Variants in ANKRD2 observed in about 807,000 individuals in gnomAD.
ANKRD2 encodes ankyrin repeat domain-containing protein 2.
A neutral mutation model predicts 37.3 loss-of-function variants in ANKRD2; 35 were observed. The ratio of observed to expected loss-of-function variants is 0.94; its 90% CI spans 0.72 to 1.24. The LOEUF is 1.24. Ranked by LOEUF, ANKRD2 falls within the 50% of genes most tolerant of loss-of-function variation. The pLI is 0.00. For missense variants in ANKRD2, 410 were observed against 445.6 expected (o/e 0.92, Z 0.72); for synonymous variants, 159 against 186.5 (o/e 0.85, Z 1.20).
chr10:97,573,719 G>A (rs1403823318), intron 1 of ANKRD2, among the ~76,000 whole-genome samples: 1 of 152,126 alleles, frequency 6.6e-6, no homozygotes, highest in East Asian at 1.9e-4. Context: ...GAGCCACCAT[G>A]CCCGGCCCCT....
Position 97,572,800 on chromosome 10 carries a change from C to A in ANKRD2, c.12C>A (p.Thr4=). The A allele has an allele frequency of 3.2e-6, 5 of 1,583,132 alleles. No individual in the cohort carries two copies. The highest frequency in any genetic ancestry group is 4.3e-6 in the Non-Finnish European group (5 of 1,165,042). MDG[T]MEDSEAVQRA... The stretch of plus-strand genomic sequence containing the variant: ...CTGCAGAGGCGGTTATGGACGGCAC[C>A]ATGGAGGACTCCGAGGCGGTGCAGA... Residue 4 remains threonine, a synonymous_variant, in exon 1 of 9, where the codon ACC becomes ACA. Transcript: ENST00000370655.
In ANKRD2 at chr10:97,582,372, C is replaced by T; in HGVS notation, c.712C>T (p.His238Tyr). 1 of 1,562,572 alleles carries T rather than the reference C, an allele frequency of 6.4e-7. No homozygotes were observed. Among genetic ancestry groups the T allele is most frequent in the Non-Finnish European group, 8.7e-7 (1 of 1,152,836 alleles). The change falls in exon 7 of 9, where the codon CAC becomes TAC. Residue 238 changes from histidine to tyrosine, a missense_variant. By Grantham distance (83) the His-to-Tyr change is moderately conservative. Coordinates refer to ENST00000370655, the MANE Select transcript of ANKRD2 (RefSeq NM_001346793.2). ...VRTGQVEIVEHFLSLGLEINA... is the reference protein window; with the variant it reads ...VRTGQVEIVEYFLSLGLEINA... ...GACAGGGCAGGTGGAGATTGTGGAG[C>T]ACTTTCTATCCCTGGGCCTGGAAAT...
At position 97,572,872 on chromosome 10, in the gene ANKRD2, T is replaced by C; in HGVS notation, c.84T>C (p.Asn28=). The change falls in exon 1 of 9, where the codon AAT becomes AAC. Residue 28 remains asparagine (N), a synonymous_variant. Coordinates refer to ENST00000370655, the MANE Select transcript of ANKRD2 (RefSeq NM_001346793.2). ...IEQRLAQEEE[N]EKLRGDARQK... ...AGCGGCTGGCACAGGAGGAGGAGAA[T>C]GAGGTGCGAGCAGGGGTGGAGGTGC... 1 of 1,551,626 alleles carries C rather than the reference T, an allele frequency of 6.4e-7. No homozygotes were observed. Among genetic ancestry groups the C allele is most frequent in the South Asian group, 1.2e-5 (1 of 84,078 alleles).
Position 97,581,500 on chromosome 10 carries a change from G to C in ANKRD2, c.654+86G>C, listed in dbSNP as rs375219400. On this transcript the variant is annotated intron_variant, in intron 6 of 8. Coordinates refer to ENST00000370655, the MANE Select transcript of ANKRD2 (RefSeq NM_001346793.2). ...GTCCAAGGGCAGGAAAGCCTAGGGG[G>C]CAGGAAGGTAGTGAGCTAGTCTGGT... The C allele has an allele frequency of 2.0e-4, 265 of 1,358,176 alleles. 2 individuals are homozygous for C. In the African/African-American group the frequency reaches 3.2e-3, roughly 16 times the overall value. 84.1% of individuals were successfully genotyped at this position (1,358,176 alleles called of 1,614,324 possible).
chr10:97,582,231 C>A, intron 6 of ANKRD2, 84 bp from the exon 7 acceptor site: 6 of 1,153,986 alleles, frequency 5.2e-6, no homozygotes, highest in Non-Finnish European at 7.5e-6. Flanking sequence ...AGGGATTAAG[C>A]TGGAGTTAGG....
rs779966227 is a variant in ANKRD2, at chr10:97,580,850, G to A, written c.457-5G>A. On this transcript the variant is annotated splice_region_variant and splice_polypyrimidine_tract_variant and intron_variant, in intron 4 of 8. Transcript: ENST00000370655. ...GCCAGGCCCTGACAGCCTCTCTGGGGACAGTTCCGTCGGACAGCACTGCAC... is the reference window on the plus strand; with the variant it reads ...GCCAGGCCCTGACAGCCTCTCTGGGAACAGTTCCGTCGGACAGCACTGCAC... 4.4e-6 allele frequency: 7 copies of A among 1,608,404 alleles called. No homozygotes were observed. In the South Asian group the frequency reaches 5.6e-5, roughly 13 times the overall value.
In ANKRD2 at chr10:97,583,845, A is replaced by G. The variant is rs945945093; in HGVS notation, c.*120A>G. 9.4e-6 allele frequency: 11 copies of G among 1,165,142 alleles called. No homozygotes were observed. The African/African-American group carries it at 1.6e-4, about 17-fold the overall frequency. The allele number at this position is 1,165,142 out of a possible 1,614,324, so 72.2% of individuals were successfully genotyped here. A position where few individuals can be genotyped will look rare whatever the true frequency, so the allele number is the denominator to read the frequency against. The stretch of plus-strand genomic sequence containing the variant: ...TTTTTTCTGCATGATCCAGGAGCAC[A>G]TACCACAAACTACCACAATAAAAAA... On this transcript the variant is annotated 3_prime_UTR_variant, in exon 9 of 9. Transcript: ENST00000370655.
At chr10:97,572,943 G>A (rs1423500881) in intron 1 of ANKRD2, 68 bp downstream of exon 1, 1 of 1,506,762 alleles carries the variant, frequency 6.6e-7, no homozygotes, top group Non-Finnish European at 8.9e-7. Flanking sequence ...AGGGGAGGGA[G>A]ATCCTGTCTG....
At chr10:97,578,428 G>T (rs2040855879) in intron 3 of ANKRD2, 30 bp downstream of exon 3, 2 of 1,611,788 alleles carry the variant, frequency 1.2e-6, no homozygotes, top group Non-Finnish European at 8.5e-7. Flanking sequence ...CACCGCGAGG[G>T]GGCGGAGGGG....
At chr10:97,581,825 A>T (rs778264154) in intron 6 of ANKRD2, among the ~76,000 whole-genome samples, 3 of 152,162 alleles carry the variant, frequency 2.0e-5, no homozygotes, top group Non-Finnish European at 4.4e-5. Flanking sequence ...TTATTTATTT[A>T]TGCACCATCC....
chr10:97,577,988 G>A, intron 2 of ANKRD2, 87 bp downstream of exon 2: 1 of 1,332,840 alleles, frequency 7.5e-7, no homozygotes, highest in Non-Finnish European at 1.0e-6. Flanking sequence ...GTGGCCCATG[G>A]ACCAGCAGTT....
intron 8 of ANKRD2, 36 bp from the exon 9 acceptor site, chr10:97,583,540 C>T: frequency 6.5e-7 from 1 of 1,539,546 alleles, no homozygotes; most frequent in Non-Finnish European, 8.7e-7. Context: ...CAGATTTTCT[C>T]TTGCCAACCC....
At chr10:97,576,441 C>T (rs765875770) in intron 1 of ANKRD2, among the ~76,000 whole-genome samples, 8 of 152,042 alleles carry the variant, frequency 5.3e-5, no homozygotes, top group Non-Finnish European at 1.0e-4. Flanking sequence ...ACTTAGAGCC[C>T]GTTTCAGGCT....
chr10:97,577,757 G>A lies in ANKRD2; in HGVS notation c.88-43G>A, dbSNP rs113083056. The A allele has an allele frequency of 6.7e-3, 9,906 of 1,477,416 alleles. 572 individuals are homozygous for A. In the African/African-American group the frequency reaches 0.12, roughly 18 times the overall value. The allele number at this position is 1,477,416 out of a possible 1,614,324, so 91.5% of individuals were successfully genotyped here. A position where few individuals can be genotyped will look rare whatever the true frequency, so the allele number is the denominator to read the frequency against. On this transcript the variant is annotated intron_variant, in intron 1 of 8. Transcript: ENST00000370655. The stretch of plus-strand genomic sequence containing the variant: ...GGTGTGGTTGGGGGAGAGGCTGCCT[G>A]TCTCCTCGGGTCCTGGAGAAGGTGC...
In ANKRD2 at chr10:97,577,781, G is replaced by A. The variant is rs894466000; in HGVS notation, c.88-19G>A. The A allele has an allele frequency of 5.2e-6, 8 of 1,542,098 alleles. No individual in the cohort carries two copies. Among genetic ancestry groups the A allele is most frequent in the Non-Finnish European group, 6.1e-6 (7 of 1,141,266 alleles). ...TGTCTCCTCGGGTCCTGGAGAAGGT[G>A]CCCTCTTTGGATCACCAGAAACTCC... On this transcript the variant is annotated intron_variant, in intron 1 of 8. Coordinates refer to ENST00000370655, the MANE Select transcript of ANKRD2 (RefSeq NM_001346793.2).
Position 97,582,354 on chromosome 10 carries a change from C to A in ANKRD2, c.694C>A (p.Gln232Lys). 1 of 1,561,366 alleles carries A rather than the reference C, an allele frequency of 6.4e-7. No homozygotes were observed. The highest frequency in any genetic ancestry group is 2.4e-5 in the East Asian group (1 of 41,788). ...GCTGCACGTGGCAGTCCGGACAGGG[C>A]AGGTGGAGATTGTGGAGCACTTTCT... ...TPLHVAVRTGQVEIVEHFLSL... is the reference protein window; with the variant it reads ...TPLHVAVRTGKVEIVEHFLSL... The change falls in exon 7 of 9, where the codon CAG becomes AAG. Residue 232 changes from glutamine (Q) to lysine (K), a missense_variant. By Grantham distance (53) the Gln-to-Lys change is moderately conservative (BLOSUM62 1). Coordinates refer to ENST00000370655, the MANE Select transcript of ANKRD2 (RefSeq NM_001346793.2).
At chr10:97,572,710 G>T (rs1452985917), upstream of ANKRD2, 3 of 1,603,630 alleles carry the variant, frequency 1.9e-6, no homozygotes, top group African/African-American at 4.0e-5. Flanking sequence ...GTGAGCTCAT[G>T]GCAAAGGCGC....
chr10:97,583,026 G>A (rs2040922758), intron 8 of ANKRD2, among the ~76,000 whole-genome samples: 1 of 152,190 alleles, frequency 6.6e-6, no homozygotes, highest in Non-Finnish European at 1.5e-5. Context: ...GAGCTGGAAG[G>A]GACCGAGCAC....
At chr10:97,577,749 G>A (rs2040842198) in intron 1 of ANKRD2, 51 bp from the exon 2 acceptor site, 1 of 1,440,128 alleles carries the variant, frequency 6.9e-7, no homozygotes, top group Non-Finnish European at 9.4e-7. Context: ...TTGGGGGAGA[G>A]GCTGCCTGTC....
Sources: allele counts gnomAD v4.1 joint callset (sites outside exome capture counted in the v4.1 genomes callset), GRCh38; gene constraint gnomAD v4.1.1; transcripts MANE v1.5; gene names NCBI Gene and HGNC (gene_info 2026-07-23, HGNC 2026-07-21).